Variants in TIAM1 observed in about 807,000 individuals in gnomAD.
TIAM1 encodes rho guanine nucleotide exchange factor TIAM1.
TIAM1 carries 65 observed loss-of-function variants against 163.5 expected under a neutral mutation model. The ratio of observed to expected loss-of-function variants is 0.40; its 90% CI spans 0.33 to 0.49. The LOEUF (loss-of-function observed/expected upper bound fraction) is 0.49, where lower values mean the gene tolerates loss of function less well. TIAM1 is among the 20% of genes least tolerant of loss of function. The pLI is 0.77. For missense variants in TIAM1, 1,789 were observed against 2,044.7 expected, an observed-to-expected ratio of 0.87 and a Z score of 2.41; for synonymous variants, 833 against 810.1, an observed-to-expected ratio of 1.03 and a Z score of -0.48.
At chr21:31,368,608 A>G (rs1191107252) in intron 2 of TIAM1, among the ~76,000 whole-genome samples, 2 of 152,328 alleles carry the variant, frequency 1.3e-5, no homozygotes, top group Non-Finnish European at 2.9e-5. Context: ...CTTCAAATAG[A>G]TGCGTGAACA....
At chr21:31,508,032 C>CACAG (rs2047088441) in intron 1 of TIAM1, among the ~76,000 whole-genome samples, 1 of 152,108 alleles carries the variant, frequency 6.6e-6, no homozygotes, top group South Asian at 2.1e-4. Flanking sequence ...GAGACTTGGA[C>CACAG]ACAGACAGAC....
At chr21:31,375,499 T>C (rs199911363) in intron 2 of TIAM1, among the ~76,000 whole-genome samples, 1 of 92,122 alleles carries the variant, frequency 1.1e-5, no homozygotes, top group African/African-American at 3.5e-5. Flanking sequence ...TCCACCTTTC[T>C]GTTTTTTCAA....
intron 1 of TIAM1, among the ~76,000 whole-genome samples, chr21:31,551,064 A>C (rs953093982): frequency 1.3e-5 from 2 of 151,932 alleles, no homozygotes; most frequent in African/African-American, 4.8e-5. Flanking sequence ...TACAAAAAAA[A>C]TTAGCCAGGC....
intron 2 of TIAM1, among the ~76,000 whole-genome samples, chr21:31,430,601 GGCTGAACTGAGTTA>G (rs1293746399): frequency 1.3e-5 from 2 of 152,006 alleles, no homozygotes; most frequent in Admixed American, 1.3e-4. Flanking sequence ...TTTCAGTCTA[GGCTGAACTGAGTTA>G]GCTTTTGATT....
At chr21:31,128,704 C>T (rs746672643) in intron 25 of TIAM1, among the ~76,000 whole-genome samples, 17 of 152,156 alleles carry the variant, frequency 1.1e-4, no homozygotes, top group South Asian at 2.1e-4. Context: ...AAAGGGCATC[C>T]GGCAAATCTC....
chr21:31,286,524 A>G (rs1482420391), intron 2 of TIAM1, among the ~76,000 whole-genome samples: 1 of 152,054 alleles, frequency 6.6e-6, no homozygotes, highest in Non-Finnish European at 1.5e-5. Context: ...CCTGGGAAAC[A>G]CAGTAAGACA....
intron 2 of TIAM1, among the ~76,000 whole-genome samples, chr21:31,366,404 C>T (rs1313526260): frequency 1.3e-5 from 2 of 152,182 alleles, no homozygotes; most frequent in African/African-American, 2.4e-5. Context: ...GAATGAAAAA[C>T]ATGTCACCCT....
intron 2 of TIAM1, among the ~76,000 whole-genome samples, chr21:31,285,157 TC>T (rs2073745850): frequency 1.3e-5 from 2 of 152,000 alleles, no homozygotes; most frequent in Admixed American, 6.5e-5. Context: ...CAGGATGTGG[TC>T]ATCAGCTATG....
chr21:31,400,242 C>T (rs2077143171), intron 2 of TIAM1, among the ~76,000 whole-genome samples: 1 of 152,022 alleles, frequency 6.6e-6, no homozygotes, highest in South Asian at 2.1e-4. Context: ...ATTCTCCTAC[C>T]TCAGCTCCCG....
At chr21:31,414,698 C>T (rs140361854) in intron 2 of TIAM1, among the ~76,000 whole-genome samples, 4 of 152,138 alleles carry the variant, frequency 2.6e-5, no homozygotes, top group Admixed American at 6.5e-5. Flanking sequence ...CAGTTGGACC[C>T]GAACCATAGA....
chr21:31,159,134 C>T (rs1292330541), intron 16 of TIAM1, among the ~76,000 whole-genome samples: 1 of 151,830 alleles, frequency 6.6e-6, no homozygotes, highest in Non-Finnish European at 1.5e-5. Context: ...ACCCTGGAAA[C>T]CAAAAAAGTA....
At chr21:31,495,707 C>T (rs544832042) in intron 1 of TIAM1, among the ~76,000 whole-genome samples, 47 of 152,338 alleles carry the variant, frequency 3.1e-4, no homozygotes, top group Non-Finnish European at 5.1e-4. Context: ...CAGTGGCTCA[C>T]GCCTGTAATC....
chr21:31,551,155 A>T (rs1311793103), intron 1 of TIAM1, among the ~76,000 whole-genome samples: 2 of 152,134 alleles, frequency 1.3e-5, no homozygotes, highest in Non-Finnish European at 2.9e-5. Flanking sequence ...CAGAGGTTGC[A>T]GTGAGCCAAG....
At chr21:31,304,769 T>A (rs1382032358) in intron 2 of TIAM1, among the ~76,000 whole-genome samples, 4 of 152,218 alleles carry the variant, frequency 2.6e-5, no homozygotes, top group Non-Finnish European at 4.4e-5. Context: ...CTCAGCTCAC[T>A]GCAACCTCCG....
At chr21:31,315,837 T>C (rs1601934452) in intron 2 of TIAM1, among the ~76,000 whole-genome samples, 1 of 150,300 alleles carries the variant, frequency 6.7e-6, no homozygotes, top group African/African-American at 2.5e-5. Context: ...AAAAGGCGGG[T>C]GTGGTGGTGC....
At chr21:31,353,550 T>G (rs1200537764) in intron 2 of TIAM1, among the ~76,000 whole-genome samples, 2 of 152,184 alleles carry the variant, frequency 1.3e-5, no homozygotes, top group Non-Finnish European at 2.9e-5. Context: ...GGCTAGGGGC[T>G]GCTCATTCAA....
intron 14 of TIAM1, among the ~76,000 whole-genome samples, chr21:31,186,314 C>T (rs1462857441): frequency 1.3e-5 from 2 of 152,190 alleles, no homozygotes; most frequent in African/African-American, 4.8e-5. Context: ...TTTGAAAGAG[C>T]TCTGCAGGCT....
At chr21:31,233,742 C>G (rs910727288) in intron 6 of TIAM1, among the ~76,000 whole-genome samples, 2 of 152,174 alleles carry the variant, frequency 1.3e-5, no homozygotes, top group African/African-American at 4.8e-5. Context: ...TTTCCCTCCC[C>G]CACTGAAAAT....
chr21:31,469,657 T>C (rs1394966217), intron 1 of TIAM1, among the ~76,000 whole-genome samples: 1 of 151,790 alleles, frequency 6.6e-6, no homozygotes, highest in Non-Finnish European at 1.5e-5. Context: ...TGAAACCCCA[T>C]TTCTACTAAA....
Sources: gnomAD v4.1 joint callset for allele counts (sites outside exome capture counted in the v4.1 genomes callset) on GRCh38, gnomAD v4.1.1 for gene constraint, MANE v1.5 for transcripts, NCBI Gene and HGNC (gene_info 2026-07-23, HGNC 2026-07-21) for gene names.